Variants in HUWE1 observed in about 807,000 individuals in gnomAD.
The protein encoded by HUWE1 is HECT, UBA and WWE domain containing E3 ubiquitin protein ligase 1.
A neutral mutation model predicts 299.4 loss-of-function variants in HUWE1; 18 were observed. That is an observed-to-expected ratio of 0.06 (90% CI 0.04 to 0.09). The LOEUF is 0.09. Among genes scored for constraint, HUWE1 ranks in the 10% least tolerant of loss-of-function variants. The probability of loss-of-function intolerance (pLI) is 1.00; values close to 1 mark genes in which losing one functional copy is unlikely to be tolerated. For missense variants in HUWE1, 1,832 were observed against 3,462.3 expected, an observed-to-expected ratio of 0.53 and a Z score of 11.82; for synonymous variants, 1,317 against 1,286.1, an observed-to-expected ratio of 1.02 and a Z score of -0.51.
At chrX:53,650,247 A>C (rs1296136955) in intron 4 of HUWE1, among the ~76,000 whole-genome samples, 1 of 112,370 alleles carries the variant, frequency 8.9e-6, no homozygotes, top group Non-Finnish European at 1.9e-5. Flanking sequence ...CCAAAATCCA[A>C]ACGCATCACA....
At position 53,645,606 on chromosome X, in the gene HUWE1, G is replaced by A. The variant is rs990681553; in HGVS notation, c.352-143C>T. The stretch of plus-strand genomic sequence containing the variant: ...AAAAAATATATAAGTATTTGTACTC[G>A]GGAGGCTGAGGCAGGAGAATGGTGT... On this transcript the variant is annotated intron_variant, in intron 6 of 83. Transcript: ENST00000262854. The A allele has an allele frequency of 5.8e-5, 34 of 590,257 alleles. No individual in the cohort carries two copies. The Admixed American group carries it at 7.6e-4, about 13-fold the overall frequency. 48.6% of individuals were successfully genotyped at this position (590,257 alleles called of 1,213,427 possible).
At chrX:53,575,618 T>C in intron 45 of HUWE1, 25 bp downstream of exon 45, 2 of 1,200,153 alleles carry the variant, frequency 1.7e-6, no homozygotes, top group African/African-American at 3.5e-5. Flanking sequence ...AGAAGAAAGA[T>C]AAAACGCTGT....
At chrX:53,533,966 A>G in intron 83 of HUWE1, 41 bp downstream of exon 83, 1 of 1,157,530 alleles carries the variant, frequency 8.6e-7, no homozygotes, top group Non-Finnish European at 1.2e-6. Flanking sequence ...ATGCAAGCTC[A>G]ACCTAAGCAC....
intron 4 of HUWE1, among the ~76,000 whole-genome samples, chrX:53,650,950 T>A (rs782054024): frequency 8.9e-6 from 1 of 111,860 alleles, no homozygotes; most frequent in African/African-American, 3.2e-5. Flanking sequence ...TAAAAATTGT[T>A]TTTTAATTTG....
Position 53,551,290 on chromosome X carries a change from G to C in HUWE1, c.9072C>G (p.Ala3024=), listed in dbSNP as rs368195820. 8.3e-7 allele frequency: 1 copy of C among 1,208,876 alleles called. No homozygotes were observed. The highest frequency in any genetic ancestry group is 1.8e-5 in the African/African-American group (1 of 57,090). The part of the protein sequence containing the change: ...VTEVSPEFLA[A]LPPAIQEEVL... ...CTTCCTCCTGAATGGCTGGAGGCAG[G>C]GCAGCCAGAAACTCAGGGCTCACTT... The change falls in exon 64 of 84, where the codon GCC becomes GCG. Residue 3024 remains alanine (A), a synonymous_variant. Coordinates refer to ENST00000262854, the MANE Select transcript of HUWE1 (RefSeq NM_031407.7).
chrX:53,536,060 G>C, intron 80 of HUWE1, 87 bp downstream of exon 80: 2 of 574,101 alleles, frequency 3.5e-6, no homozygotes, highest in Non-Finnish European at 6.1e-6. Context: ...ACTATGAGAA[G>C]GTCACGCAGT....
chrX:53,574,014 A>G, intron 46 of HUWE1, 50 bp from the exon 47 acceptor site: 1 of 1,048,632 alleles, frequency 9.5e-7, no homozygotes, highest in Non-Finnish European at 1.3e-6. Flanking sequence ...GAACACTGGC[A>G]AAATCAAGTC....
chrX:53,619,145 T>A (rs201660457), intron 19 of HUWE1, among the ~76,000 whole-genome samples: 2 of 111,419 alleles, frequency 1.8e-5, no homozygotes, highest in Non-Finnish European at 3.8e-5. Flanking sequence ...CTCTCCTTTA[T>A]CCCAAATGCT....
chrX:53,535,988 T>C, intron 80 of HUWE1, 159 bp downstream of exon 80: 1 of 416,275 alleles, frequency 2.4e-6, no homozygotes, highest in East Asian at 4.3e-5. Flanking sequence ...CTGGTTTTCC[T>C]GTTTGTGATG....
At chrX:53,658,379 G>A (rs2068845704) in intron 3 of HUWE1, among the ~76,000 whole-genome samples, 1 of 111,502 alleles carries the variant, frequency 9.0e-6, no homozygotes, top group South Asian at 3.7e-4. Flanking sequence ...AAATTTATAT[G>A]AAGAGGCAAA....
In HUWE1 at chrX:53,558,714, C is replaced by T; in HGVS notation, c.8101G>A (p.Glu2701Lys). 1.7e-6 allele frequency: 2 copies of T among 1,210,271 alleles called. No individual in the cohort carries two copies. Among genetic ancestry groups the T allele is most frequent in the Non-Finnish European group, 2.2e-6 (2 of 894,141 alleles). ...EKRRKQLAEE[E>K]TKITDKGKED... ...TTGCCTTTATCAGTTATCTTTGTTT[C>T]TTCCTCAGCCAGTTGTTTCCTGCGC... Residue 2701 changes from glutamate to lysine, a missense_variant, in exon 59 of 84, where the codon GAA (glutamate) becomes AAA (lysine). By Grantham distance (56) the Glu-to-Lys change is moderately conservative (BLOSUM62 1). This residue lies in a region of HUWE1 where 143 missense variants were observed against 148.1 expected (regional missense o/e 0.97). Coordinates refer to ENST00000262854, the MANE Select transcript of HUWE1 (RefSeq NM_031407.7).
chrX:53,626,217 G>T (rs2066491484), intron 17 of HUWE1, among the ~76,000 whole-genome samples: 1 of 1,763 alleles, frequency 5.7e-4, no homozygotes, highest in African/African-American at 6.4e-4. Context: ...ATACATACAC[G>T]TGTGTGTGTG....
At chrX:53,641,972 C>T (rs1434691364) in intron 7 of HUWE1, among the ~76,000 whole-genome samples, 1 of 111,268 alleles carries the variant, frequency 9.0e-6, no homozygotes, top group Non-Finnish European at 1.9e-5. Flanking sequence ...CTAGTGGATA[C>T]CCGAAAATAC....
intron 42 of HUWE1, among the ~76,000 whole-genome samples, chrX:53,581,469 G>C (rs782551499): frequency 8.9e-6 from 1 of 112,323 alleles, no homozygotes; most frequent in African/African-American, 3.2e-5. Context: ...TGGAGATACT[G>C]AACTATTTAT....
At chrX:53,543,618 T>C (rs781980168) in intron 73 of HUWE1, 3 of 470,659 alleles carry the variant, frequency 6.4e-6, no homozygotes, top group African/African-American at 2.4e-5. Flanking sequence ...ACTGGATAGC[T>C]GGGAGTGGGG....
At chrX:53,540,205 G>C (rs1411631477) in intron 74 of HUWE1, among the ~76,000 whole-genome samples, 2 of 111,915 alleles carry the variant, frequency 1.8e-5, no homozygotes, top group African/African-American at 6.5e-5. Context: ...GGATGTTTTA[G>C]GACACTTTTG....
At chrX:53,639,128 A>G (rs1302974080) in intron 7 of HUWE1, among the ~76,000 whole-genome samples, 1 of 112,432 alleles carries the variant, frequency 8.9e-6, no homozygotes, top group Non-Finnish European at 1.9e-5. Context: ...ATGACAAAGG[A>G]CTAATATCTC....
At chrX:53,536,037 A>C in intron 80 of HUWE1, 110 bp downstream of exon 80, 3 of 527,332 alleles carry the variant, frequency 5.7e-6, no homozygotes, top group South Asian at 5.0e-5. Flanking sequence ...AGAAGTCAAG[A>C]TGCTTCCTTA....
In HUWE1 at chrX:53,558,993, C is replaced by A; in HGVS notation, c.7983G>T (p.Glu2661Asp). Residue 2661 changes from glutamate (E) to aspartate (D), a missense_variant, in exon 58 of 84, where the codon GAG (glutamate) becomes GAT (aspartate). This residue lies in a region of HUWE1 where 170 missense variants were observed against 335.8 expected (regional missense o/e 0.51). Coordinates refer to ENST00000262854, the MANE Select transcript of HUWE1 (RefSeq NM_031407.7). The stretch of plus-strand genomic sequence containing the variant: ...CACCTGAAACACAGTCATGCATGCT[C>A]TCAGCATCGAGAACTTTGCATTCTT... ...WTEECKVLDA[E>D]SMHDCVSVVK... 2 of 1,182,890 alleles carry A rather than the reference C, an allele frequency of 1.7e-6. No individual in the cohort carries two copies. Among genetic ancestry groups the A allele is most frequent in the Non-Finnish European group, 2.3e-6 (2 of 880,285 alleles).
Sources: allele counts gnomAD v4.1 joint callset (sites outside exome capture counted in the v4.1 genomes callset), GRCh38; gene constraint gnomAD v4.1.1; regional missense constraint gnomAD v4.1.1; transcripts MANE v1.5; gene names NCBI Gene and HGNC (gene_info 2026-07-23, HGNC 2026-07-21).